Variants in ATP9B observed in about 807,000 individuals in gnomAD.
ATP9B encodes the protein probable phospholipid-transporting ATPase IIB.
Under a neutral mutation model 146.1 loss-of-function variants are expected in ATP9B, and 110 were observed. The observed-to-expected ratio is 0.75, with a 90% CI of 0.65 to 0.88. The LOEUF (loss-of-function observed/expected upper bound fraction) is 0.88, where lower values mean the gene tolerates loss of function less well. Among genes scored for constraint, ATP9B ranks in the 40% least tolerant of loss-of-function variants. ATP9B has a pLI of 0.00. For synonymous variants in ATP9B, 604 were observed against 569.7 expected, an observed-to-expected ratio of 1.06 and a Z score of -0.86; for missense variants, 1,499 against 1,496.4, an observed-to-expected ratio of 1.00 and a Z score of -0.03.
chr18:79,363,054 T>C (rs2096999751), intron 26 of ATP9B: 2 of 139,272 alleles, frequency 1.4e-5, no homozygotes, highest in East Asian at 2.0e-4. Context: ...AATAAAAATA[T>C]CTCTGTTTGT....
At chr18:79,296,794 T>C (rs1004335672) in intron 13 of ATP9B, among the ~76,000 whole-genome samples, 3 of 152,320 alleles carry the variant, frequency 2.0e-5, no homozygotes, top group African/African-American at 7.2e-5. Context: ...GGGATAGAGT[T>C]GGGATAATAC....
intron 15 of ATP9B, 116 bp from the exon 16 acceptor site, chr18:79,329,024 TA>T: frequency 8.8e-7 from 1 of 1,135,764 alleles, no homozygotes; most frequent in Non-Finnish European, 1.2e-6. Context: ...TCTGAACACC[TA>T]AGTTCTTCTG....
At chr18:79,236,100 T>C (rs2095839028) in intron 11 of ATP9B, among the ~76,000 whole-genome samples, 1 of 152,220 alleles carries the variant, frequency 6.6e-6, no homozygotes, top group Non-Finnish European at 1.5e-5. Flanking sequence ...TTTTTACTCT[T>C]CCCAGCCAAG....
chr18:79,292,454 T>C (rs2146194487), intron 13 of ATP9B, among the ~76,000 whole-genome samples: 1 of 152,262 alleles, frequency 6.6e-6, no homozygotes, highest in Middle Eastern at 3.4e-3. Context: ...GTATTTACAG[T>C]GCATCAAAAA....
intron 7 of ATP9B, among the ~76,000 whole-genome samples, chr18:79,171,878 G>T (rs981461341): frequency 3.4e-5 from 5 of 146,702 alleles, no homozygotes; most frequent in South Asian, 4.3e-4. Context: ...TCGGAGACTC[G>T]TTTTTTTTTG....
intron 8 of ATP9B, among the ~76,000 whole-genome samples, chr18:79,181,910 G>A (rs2095256300): frequency 6.6e-6 from 1 of 151,722 alleles, no homozygotes; most frequent in African/African-American, 2.4e-5. Context: ...TAAATTTTTT[G>A]GCCCTCGTTA....
chr18:79,090,531 C>T (rs971743142), intron 1 of ATP9B, among the ~76,000 whole-genome samples: 15 of 152,246 alleles, frequency 9.9e-5, no homozygotes, highest in African/African-American at 3.6e-4. Context: ...TCAGCGATGT[C>T]GAACACCTTT....
chr18:79,074,938 T>C (rs112175016), intron 1 of ATP9B, among the ~76,000 whole-genome samples: 5,064 of 152,346 alleles, frequency 0.033, 141 homozygotes, highest in Non-Finnish European at 0.051. Flanking sequence ...CAGTAAGATA[T>C]TGTGACTCAA....
At chr18:79,192,182 G>A (rs1411254827) in intron 8 of ATP9B, among the ~76,000 whole-genome samples, 1 of 152,068 alleles carries the variant, frequency 6.6e-6, no homozygotes, top group Non-Finnish European at 1.5e-5. Context: ...CAGCTGCTGT[G>A]GTCACCCTAA....
chr18:79,256,737 T>G (rs191699216), intron 12 of ATP9B, among the ~76,000 whole-genome samples: 148 of 152,290 alleles, frequency 9.7e-4, no homozygotes, highest in African/African-American at 3.2e-3. Flanking sequence ...CATGCTTTAT[T>G]TAGTCGACAT....
At chr18:79,267,468 C>G (rs545650494) in intron 12 of ATP9B, among the ~76,000 whole-genome samples, 1 of 151,866 alleles carries the variant, frequency 6.6e-6, no homozygotes. Flanking sequence ...CCTTCTGCCC[C>G]CTTTGTGAAT....
chr18:79,329,051 G>A, intron 15 of ATP9B, 90 bp from the exon 16 acceptor site: 9 of 1,325,874 alleles, frequency 6.8e-6, no homozygotes, highest in Non-Finnish European at 8.9e-6. Flanking sequence ...GTCTCATGTT[G>A]GCAAGCTTTC....
chr18:79,340,870 G>T (rs1203528838), intron 19 of ATP9B, among the ~76,000 whole-genome samples: 2 of 152,210 alleles, frequency 1.3e-5, no homozygotes, highest in African/African-American at 2.4e-5. Context: ...CTAGCAAACT[G>T]CAGTGAAGGT....
chr18:79,325,515 A>G (rs1364614081), intron 15 of ATP9B, among the ~76,000 whole-genome samples: 1 of 152,204 alleles, frequency 6.6e-6, no homozygotes, highest in African/African-American at 2.4e-5. Flanking sequence ...GTGTGTGTTT[A>G]TTATCCTAAA....
At chr18:79,143,198 T>C (rs1219602035) in intron 5 of ATP9B, among the ~76,000 whole-genome samples, 6 of 152,220 alleles carry the variant, frequency 3.9e-5, no homozygotes, top group Non-Finnish European at 1.5e-5. Flanking sequence ...TACATCATAT[T>C]ATACATGATA....
chr18:79,295,657 A>G (rs2096542622), intron 13 of ATP9B, among the ~76,000 whole-genome samples: 1 of 152,250 alleles, frequency 6.6e-6, no homozygotes, highest in South Asian at 2.1e-4. Flanking sequence ...ACACTCAGGT[A>G]TCATGTGGCC....
At chr18:79,143,941 T>C in intron 6 of ATP9B, 81 bp downstream of exon 6, 1 of 784,044 alleles carries the variant, frequency 1.3e-6, no homozygotes, top group Non-Finnish European at 2.0e-6. Flanking sequence ...CTTCTGAATT[T>C]GAAAGAAATT....
At chr18:79,208,224 G>A (rs976551072) in intron 10 of ATP9B, among the ~76,000 whole-genome samples, 6 of 152,200 alleles carry the variant, frequency 3.9e-5, no homozygotes, top group East Asian at 3.9e-4. Context: ...TAGCCTGGGC[G>A]ACAGAGCGAG....
intron 15 of ATP9B, among the ~76,000 whole-genome samples, chr18:79,313,691 T>C (rs917197642): frequency 1.3e-5 from 2 of 152,222 alleles, no homozygotes; most frequent in Non-Finnish European, 2.9e-5. Flanking sequence ...GAATTCACAA[T>C]AGAGATTTCA....
Sources: allele counts gnomAD v4.1 joint callset (sites outside exome capture counted in the v4.1 genomes callset), GRCh38; gene constraint gnomAD v4.1.1; transcripts MANE v1.5; gene names NCBI Gene and HGNC (gene_info 2026-07-23, HGNC 2026-07-21).